CACNA1E: variants seen among roughly 807,000 people sequenced by gnomAD.
CACNA1E encodes calcium voltage-gated channel subunit alpha1 E, also known as voltage-dependent R-type calcium channel subunit alpha-1E.
Under a neutral mutation model 259.2 loss-of-function variants are expected in CACNA1E, and 40 were observed. The observed-to-expected ratio is 0.15, with a 90% CI of 0.12 to 0.20. The LOEUF is 0.20. Among genes scored for constraint, CACNA1E ranks in the 10% least tolerant of loss-of-function variants. CACNA1E has a pLI of 1.00. For missense variants in CACNA1E, 1,874 were observed against 3,040.1 expected, an observed-to-expected ratio of 0.62 and a Z score of 9.02; for synonymous variants, 1,104 against 1,138.5, an observed-to-expected ratio of 0.97 and a Z score of 0.61.
intron 2 of CACNA1E, 146 bp downstream of exon 2, chr1:181,510,728 C>A: frequency 3.2e-6 from 2 of 624,228 alleles, no homozygotes; most frequent in Non-Finnish European, 5.9e-6. Context: ...ATGACAGACC[C>A]CATGGGGATT....
intron 45 of CACNA1E, 46 bp downstream of exon 45, chr1:181,793,839 T>G: frequency 6.3e-7 from 1 of 1,584,644 alleles, no homozygotes; most frequent in Middle Eastern, 1.7e-4. Flanking sequence ...CCGGGCTGTA[T>G]TAGCTGGGTT....
rs554402228 is a variant in CACNA1E, at chr1:181,515,493, T to C, written c.512+3983T>C. Among the ~76,000 whole-genome samples the C allele has an allele frequency of 3.3e-5, 5 of 152,234 alleles. No individual in the cohort carries two copies. In the South Asian group the frequency reaches 8.3e-4, roughly 25 times the overall value. ...AGAAGGCAATGCTGGGACCGAGAAA[T>C]GTGGACGTTATTATATTTTCCCACC... On this transcript the variant is annotated intron_variant, in intron 3 of 47. Transcript: ENST00000367573.
chr1:181,560,914 G>A (rs897677670), intron 3 of CACNA1E, among the ~76,000 whole-genome samples: 8 of 152,226 alleles, frequency 5.3e-5, no homozygotes, highest in African/African-American at 2.4e-5. Context: ...CCTTAGAAAC[G>A]AAGGTAGGCC....
chr1:181,791,580 T>C (rs1164575268), intron 44 of CACNA1E, among the ~76,000 whole-genome samples: 1 of 152,230 alleles, frequency 6.6e-6, no homozygotes, highest in East Asian at 1.9e-4. Flanking sequence ...AGCTAAAATA[T>C]GGTTCCTAAA....
intron 6 of CACNA1E, among the ~76,000 whole-genome samples, chr1:181,588,323 A>T (rs1002105119): frequency 6.6e-6 from 1 of 152,058 alleles, no homozygotes; most frequent in Non-Finnish European, 1.5e-5. Context: ...TATGATGCTG[A>T]CTTTGGCAGC....
chr1:181,510,295 C>G (rs901127125), intron 1 of CACNA1E, among the ~76,000 whole-genome samples, 182 bp from the exon 2 acceptor site: 2 of 152,164 alleles, frequency 1.3e-5, no homozygotes, highest in African/African-American at 4.8e-5. Flanking sequence ...TTTGGTTTCA[C>G]AAAACCAAAA....
At chr1:181,569,808 C>T (rs1292555919) in intron 3 of CACNA1E, among the ~76,000 whole-genome samples, 2 of 152,154 alleles carry the variant, frequency 1.3e-5, no homozygotes, top group Non-Finnish European at 2.9e-5. Context: ...CCAGAAGGAG[C>T]CATAGTGTGT....
intron 10 of CACNA1E, 74 bp downstream of exon 10, chr1:181,716,203 AC>A: frequency 3.1e-6 from 3 of 965,914 alleles, no homozygotes; most frequent in Non-Finnish European, 3.2e-6. Context: ...TTTGAGAAGC[AC>A]CACAAGGAGG....
At position 181,444,820 on chromosome 1, in the gene CACNA1E, C is replaced by T. The variant is rs187888222; in HGVS notation, c.434+31240C>T. Among the ~76,000 whole-genome samples the T allele has an allele frequency of 3.8e-3, 580 of 152,216 alleles. 2 individuals are homozygous for T. The highest frequency in any genetic ancestry group is 0.013 in the African/African-American group (556 of 41,536). ...CTCAGAATGTGATTCCCCAGCTCAC[C>T]GCCATGATGAGTGCTCCGTAGACAA... On this transcript the variant is annotated intron_variant, in intron 2 of 11. Transcript: ENST00000524607.
intron 2 of CACNA1E, among the ~76,000 whole-genome samples, chr1:181,445,004 T>G (rs1390969848): frequency 6.6e-6 from 1 of 152,216 alleles, no homozygotes; most frequent in African/African-American, 2.4e-5. Context: ...GGCATTCATG[T>G]TTTCCAGTAC....
At chr1:181,569,238 C>T (rs1232329575) in intron 3 of CACNA1E, among the ~76,000 whole-genome samples, 2 of 152,226 alleles carry the variant, frequency 1.3e-5, no homozygotes, top group Admixed American at 6.5e-5. Context: ...GGGCCTGCTG[C>T]ATGGCATATG....
At chr1:181,523,156 T>A (rs887979231) in intron 3 of CACNA1E, among the ~76,000 whole-genome samples, 1 of 152,090 alleles carries the variant, frequency 6.6e-6, no homozygotes, top group African/African-American at 2.4e-5. Flanking sequence ...CAAATTCAAG[T>A]TTGGGGTGGG....
At chr1:181,373,163 G>T (rs192479109) in intron 1 of CACNA1E, among the ~76,000 whole-genome samples, 21 of 152,224 alleles carry the variant, frequency 1.4e-4, no homozygotes, top group African/African-American at 5.1e-4. Flanking sequence ...GAATCAGTTA[G>T]GGAGGAGTTT....
Position 181,355,123 on chromosome 1 carries a change from C to T in CACNA1E, c.-15+37000C>T, listed in dbSNP as rs897867791. On this transcript the variant is annotated intron_variant, in intron 1 of 11. Coordinates refer to the CACNA1E transcript ENST00000524607. Reference sequence around the variant, plus strand: ...AGCCCAGTGGGCTGCCTAAGCCAGGCGGGGCCCGTCTGCTTGCCTGGGTTT... The same window carrying T: ...AGCCCAGTGGGCTGCCTAAGCCAGGTGGGGCCCGTCTGCTTGCCTGGGTTT... 7.9e-5 allele frequency among the ~76,000 whole-genome samples: 12 copies of T among 152,242 alleles called. No homozygotes were observed. In the East Asian group the frequency reaches 1.9e-3, roughly 25 times the overall value.
intron 7 of CACNA1E, among the ~76,000 whole-genome samples, chr1:181,694,964 A>G (rs1651553368): frequency 6.6e-6 from 1 of 152,230 alleles, no homozygotes; most frequent in African/African-American, 2.4e-5. Context: ...ATGATTATGT[A>G]TTTTGAAAAT....
chr1:181,785,852 G>GT, intron 43 of CACNA1E, 33 bp downstream of exon 43: 1 of 1,398,922 alleles, frequency 7.1e-7, no homozygotes, highest in Non-Finnish European at 1.0e-6. Context: ...TGGCATGGCT[G>GT]TTTGCAATCT....
intron 1 of CACNA1E, among the ~76,000 whole-genome samples, chr1:181,386,136 T>C (rs751292975): frequency 3.9e-5 from 6 of 152,184 alleles, no homozygotes; most frequent in Non-Finnish European, 8.8e-5. Context: ...TTCTAGGCAC[T>C]TGGTATAAAT....
chr1:181,699,865 T>G (rs1652060706), intron 7 of CACNA1E, among the ~76,000 whole-genome samples: 1 of 152,044 alleles, frequency 6.6e-6, no homozygotes. Context: ...TGGGAGAGAC[T>G]AGAGGAGGAG....
intron 2 of CACNA1E, among the ~76,000 whole-genome samples, chr1:181,450,205 A>T (rs1248418114): frequency 6.6e-6 from 1 of 152,214 alleles, no homozygotes; most frequent in Non-Finnish European, 1.5e-5. Flanking sequence ...GCAAGGGGGA[A>T]GTCTGCCCCC....
Sources: allele counts gnomAD v4.1 joint callset (sites outside exome capture counted in the v4.1 genomes callset), GRCh38; gene constraint gnomAD v4.1.1; transcripts MANE v1.5; gene names NCBI Gene and HGNC (gene_info 2026-07-23, HGNC 2026-07-21).